Variants in PUDP observed in about 807,000 individuals in gnomAD.
PUDP encodes the protein pseudouridine 5'-phosphatase.
Under a neutral mutation model 9.4 loss-of-function variants are expected in PUDP, and 8 were observed. The observed-to-expected ratio is 0.85, with a 90% CI of 0.50 to 1.53. The LOEUF (loss-of-function observed/expected upper bound fraction) is 1.53, where lower values mean the gene tolerates loss of function less well. PUDP is among the 40% of genes most tolerant of loss of function. PUDP has a pLI of 0.00. For synonymous variants in PUDP, 99 were observed against 80.7 expected, an observed-to-expected ratio of 1.23 and a Z score of -1.22; for missense variants, 188 against 189.7, an observed-to-expected ratio of 0.99 and a Z score of 0.05.
At chrX:6,913,114 G>A (rs1236629562) in intron 3 of PUDP, among the ~76,000 whole-genome samples, 1 of 111,152 alleles carries the variant, frequency 9.0e-6, no homozygotes, top group Non-Finnish European at 1.9e-5. Context: ...AAATCCTAGG[G>A]CCTATATTTT....
At chrX:6,910,815 G>A (rs1602669476) in intron 3 of PUDP, among the ~76,000 whole-genome samples, 2 of 112,160 alleles carry the variant, frequency 1.8e-5, no homozygotes, top group African/African-American at 6.5e-5. Context: ...TCACAATTCT[G>A]GAGACTGGAA....
At chrX:6,863,028 T>A (rs1000625325) in intron 3 of PUDP, among the ~76,000 whole-genome samples, 4 of 111,786 alleles carry the variant, frequency 3.6e-5, no homozygotes, top group African/African-American at 1.3e-4. Context: ...TATGATCACT[T>A]CATTATGTAA....
chrX:6,718,978 C>T (rs747659452), intron 1 of PUDP, among the ~76,000 whole-genome samples: 8 of 110,983 alleles, frequency 7.2e-5, no homozygotes, highest in South Asian at 3.9e-4. Flanking sequence ...TGCAGAAGCA[C>T]GAGAGGAGAT....
At chrX:6,912,918 C>T (rs760871292) in intron 3 of PUDP, among the ~76,000 whole-genome samples, 5 of 112,056 alleles carry the variant, frequency 4.5e-5, no homozygotes, top group Non-Finnish European at 9.4e-5. Context: ...ATACACCTTA[C>T]AAAATATGTT....
intron 3 of PUDP, among the ~76,000 whole-genome samples, chrX:6,813,065 G>T (rs907305648): frequency 8.2e-5 from 9 of 110,070 alleles, no homozygotes; most frequent in Non-Finnish European, 1.5e-4. Context: ...ACATACTCCA[G>T]CCTGGGAAAC....
rs180939119 is a variant in PUDP, at chrX:7,034,177, G to A, written c.204+43043C>T. Among the ~76,000 whole-genome samples the A allele has an allele frequency of 1.8e-3, 200 of 112,134 alleles. 2 individuals are homozygous for A. The highest frequency in any genetic ancestry group is 8.6e-4 in the Non-Finnish European group (46 of 53,205). On this transcript the variant is annotated intron_variant and NMD_transcript_variant, in intron 1 of 3. Transcript: ENST00000655425. Reference sequence around the variant, plus strand: ...GAGATTTGGAATAAAGGGTATGGATGGGACAAGACAAAGCAGGGCACCAGC... The same window carrying A: ...GAGATTTGGAATAAAGGGTATGGATAGGACAAGACAAAGCAGGGCACCAGC...
chrX:6,722,033 C>T (rs779229917), upstream of PUDP, among the ~76,000 whole-genome samples: 9 of 109,728 alleles, frequency 8.2e-5, no homozygotes, highest in East Asian at 2.6e-3. Context: ...TGGTGTACAA[C>T]GGTGGGAAAG....
At chrX:6,950,414 T>TC (rs1398916710) in intron 3 of PUDP, among the ~76,000 whole-genome samples, 3 of 93,812 alleles carry the variant, frequency 3.2e-5, no homozygotes, top group Non-Finnish European at 6.4e-5. Flanking sequence ...TTCTTTTTTT[T>TC]TTTTTTTTTT....
intron 3 of PUDP, among the ~76,000 whole-genome samples, chrX:6,761,084 G>A (rs1297088736): frequency 2.7e-5 from 3 of 111,653 alleles, no homozygotes; most frequent in African/African-American, 9.8e-5. Context: ...TCAAGATCAG[G>A]TTAGAGCCAG....
chrX:6,893,266 G>A (rs772564302), intron 3 of PUDP, among the ~76,000 whole-genome samples: 7 of 111,855 alleles, frequency 6.3e-5, no homozygotes, highest in South Asian at 3.7e-4. Context: ...CCTTGAACCC[G>A]ATTTTGGAGG....
At chrX:7,070,005 T>C (rs1014269312) in intron 3 of PUDP, among the ~76,000 whole-genome samples, 1 of 112,530 alleles carries the variant, frequency 8.9e-6, no homozygotes, top group African/African-American at 3.2e-5. Context: ...CACATTTTTC[T>C]GTGAACTCCT....
Position 7,105,708 on chromosome X carries a change from G to A in PUDP, c.192C>T (p.Val64=), listed in dbSNP as rs1339822197. The stretch of plus-strand genomic sequence containing the variant: ...CCTCTTTGGACATCGGGAGCTGCAA[G>A]ACGTCTATTATAATCTGTGCCGCCT... ...ALEAAQIIID[V]LQLPMSKEEL... is the part of the protein sequence containing the mutation. Residue 64 remains valine (V), a synonymous_variant, in exon 2 of 4, where the codon GTC becomes GTT. Coordinates refer to ENST00000381077, the MANE Select transcript of PUDP (RefSeq NM_012080.5). 1 of 1,207,733 alleles carries A rather than the reference G, an allele frequency of 8.3e-7. No individual in the cohort carries two copies. The highest frequency in any genetic ancestry group is 1.8e-5 in the African/African-American group (1 of 57,063).
chrX:6,964,858 G>A (rs781574422), intron 3 of PUDP, among the ~76,000 whole-genome samples: 12 of 110,990 alleles, frequency 1.1e-4, no homozygotes, highest in Admixed American at 4.8e-4. Context: ...CAACTGCTAT[G>A]TCAGATAATA....
chrX:6,753,060 G>C (rs756534679), intron 3 of PUDP, among the ~76,000 whole-genome samples: 3 of 109,508 alleles, frequency 2.7e-5, no homozygotes, highest in East Asian at 2.9e-4. Context: ...GTGAGATTTC[G>C]GTGCCTCCAT....
intron 3 of PUDP, among the ~76,000 whole-genome samples, chrX:6,818,948 T>C (rs1378650908): frequency 8.9e-6 from 1 of 112,255 alleles, no homozygotes; most frequent in African/African-American, 3.2e-5. Context: ...GTTCAAAATG[T>C]TGAAGAAACA....
Position 7,146,845 on chromosome X carries a change from T to G in PUDP, c.61+1208A>C, listed in dbSNP as rs902497988. Among the ~76,000 whole-genome samples, 269 of 106,998 alleles carry G rather than the reference T, an allele frequency of 2.5e-3. 3 individuals carry two copies. The Middle Eastern group carries it at 0.042, about 17-fold the overall frequency. 92.9% of individuals were successfully genotyped at this position (106,998 alleles called of 115,157 possible). On this transcript the variant is annotated intron_variant, in intron 1 of 3. Transcript: ENST00000381077. ...TCTCTGAGCTGCAGGGTTTTTTTTT[T>G]TTTTTTTTTTTTAATTAGTGACATG...
At chrX:6,927,877 G>C (rs1013129094) in intron 3 of PUDP, among the ~76,000 whole-genome samples, 1 of 110,646 alleles carries the variant, frequency 9.0e-6, no homozygotes, top group African/African-American at 3.3e-5. Flanking sequence ...ATCAGGAACA[G>C]AGATTAACTT....
chrX:7,083,070 G>A (rs1165563076), intron 2 of PUDP, among the ~76,000 whole-genome samples: 1 of 112,804 alleles, frequency 8.9e-6, no homozygotes, highest in Non-Finnish European at 1.9e-5. Flanking sequence ...GGGAAAGGCA[G>A]GAAGGATCCT....
intron 1 of PUDP, among the ~76,000 whole-genome samples, chrX:7,005,405 T>C (rs1929388993): frequency 9.2e-6 from 1 of 108,966 alleles, no homozygotes; most frequent in Admixed American, 9.9e-5. Flanking sequence ...TGCCATATTA[T>C]TATTATTATT....
Sources: gnomAD v4.1 joint callset for allele counts (sites outside exome capture counted in the v4.1 genomes callset) on GRCh38, gnomAD v4.1.1 for gene constraint, MANE v1.5 for transcripts, NCBI Gene and HGNC (gene_info 2026-07-23, HGNC 2026-07-21) for gene names.